Variants in SDK1 observed in about 807,000 individuals in gnomAD.
SDK1 encodes the protein sidekick cell adhesion molecule 1.
In SDK1, 157 loss-of-function variants were observed where a neutral mutation model predicts 245.5. That is an observed-to-expected ratio of 0.64 (90% CI 0.56 to 0.73). The LOEUF is 0.73. SDK1 is among the 30% of genes least tolerant of loss of function. The probability of loss-of-function intolerance (pLI) is 0.00; values close to 1 mark genes in which losing one functional copy is unlikely to be tolerated. For synonymous variants in SDK1, 1,647 were observed against 1,278.5 expected, an observed-to-expected ratio of 1.29 and a Z score of -6.15; for missense variants, 3,583 against 3,002.3, an observed-to-expected ratio of 1.19 and a Z score of -4.52.
intron 1 of SDK1, among the ~76,000 whole-genome samples, chr7:3,603,655 A>C (rs916343807): frequency 1.6e-4 from 25 of 152,148 alleles, no homozygotes; most frequent in African/African-American, 4.8e-4. Context: ...TCCTTTTTTC[A>C]TAATTGAATA....
At chr7:4,178,310 G>A (rs1266787278) in intron 34 of SDK1, among the ~76,000 whole-genome samples, 175 bp from the exon 35 acceptor site, 1 of 152,154 alleles carries the variant, frequency 6.6e-6, no homozygotes, top group East Asian at 1.9e-4. Context: ...TAGTTAATAG[G>A]AGAGAAGGAG....
intron 1 of SDK1, among the ~76,000 whole-genome samples, chr7:3,403,171 T>G (rs1375502927): frequency 1.3e-5 from 2 of 152,154 alleles, no homozygotes; most frequent in East Asian, 3.9e-4. Context: ...TGACCTCAGG[T>G]GATCTGCCCG....
At chr7:3,828,815 C>T (rs1248259486) in intron 5 of SDK1, among the ~76,000 whole-genome samples, 2 of 151,836 alleles carry the variant, frequency 1.3e-5, no homozygotes, top group Admixed American at 1.3e-4. Flanking sequence ...CCATACCTGG[C>T]TAATTTTTTA....
At chr7:4,032,440 C>T (rs771559109) in intron 17 of SDK1, among the ~76,000 whole-genome samples, 11 of 152,280 alleles carry the variant, frequency 7.2e-5, no homozygotes, top group East Asian at 1.9e-4. Flanking sequence ...AAGGCAGAAG[C>T]GTAAGGTAGT....
intron 4 of SDK1, among the ~76,000 whole-genome samples, chr7:3,751,194 A>G (rs77710209): frequency 0.013 from 1,963 of 152,270 alleles, 42 homozygotes; most frequent in African/African-American, 0.046. Context: ...CCCTTACTAA[A>G]ATAAAACTGA....
intron 4 of SDK1, among the ~76,000 whole-genome samples, chr7:3,758,952 A>G (rs933499589): frequency 6.6e-6 from 1 of 152,174 alleles, no homozygotes; most frequent in Non-Finnish European, 1.5e-5. Flanking sequence ...ATCCAGTACC[A>G]TGGGGTTCAT....
At chr7:4,163,631 CAGG>C (rs1781309885) in intron 32 of SDK1, among the ~76,000 whole-genome samples, 1 of 152,180 alleles carries the variant, frequency 6.6e-6, no homozygotes. Flanking sequence ...CAGGCTAGGA[CAGG>C]AGGTGCCAGA....
At chr7:3,697,403 A>G (rs1784606551) in intron 4 of SDK1, among the ~76,000 whole-genome samples, 1 of 152,162 alleles carries the variant, frequency 6.6e-6, no homozygotes, top group South Asian at 2.1e-4. Context: ...TCTTCAACTA[A>G]TGGAATTGAG....
chr7:4,037,046 CCAAAAGTAATAA>C (rs1206558271), intron 17 of SDK1, among the ~76,000 whole-genome samples: 6 of 152,094 alleles, frequency 3.9e-5, no homozygotes, highest in African/African-American at 1.4e-4. Flanking sequence ...GACCCCTTCA[CCAAAAGTAATAA>C]CAATGATGAT....
intron 23 of SDK1, among the ~76,000 whole-genome samples, chr7:4,112,972 T>C (rs148464073): frequency 4.2e-4 from 64 of 152,252 alleles, no homozygotes; most frequent in African/African-American, 1.5e-3. Context: ...CAGGCTGATC[T>C]GGAACTCTTC....
At position 3,488,174 on chromosome 7, in the gene SDK1, C is replaced by G. The variant is rs149733822; in HGVS notation, c.299-130906C>G. On this transcript the variant is annotated intron_variant, in intron 1 of 44. Transcript: ENST00000404826. Reference sequence around the variant, plus strand: ...TTTTCCGATGCCTTTAATTGAATGACTAATTTGTTTTCTGCCTCCCGTTCC... The same window carrying G: ...TTTTCCGATGCCTTTAATTGAATGAGTAATTTGTTTTCTGCCTCCCGTTCC... 9.3e-4 allele frequency among the ~76,000 whole-genome samples: 142 copies of G among 152,190 alleles called. 4 individuals are homozygous for G. In the East Asian group the frequency reaches 0.024, roughly 26 times the overall value.
chr7:3,318,681 T>C (rs35154693), intron 1 of SDK1, among the ~76,000 whole-genome samples: 35,704 of 152,164 alleles, frequency 0.23, 4,644 homozygotes, highest in East Asian at 0.39. Context: ...AAATGTTACA[T>C]ATTTCTTTTA....
chr7:3,336,303 G>T (rs1368721998), intron 1 of SDK1, among the ~76,000 whole-genome samples: 1 of 152,170 alleles, frequency 6.6e-6, no homozygotes, highest in Non-Finnish European at 1.5e-5. Flanking sequence ...AGAAGCAGGT[G>T]GTACTTCAAT....
chr7:4,064,356 C>G (rs1041300964), intron 19 of SDK1, among the ~76,000 whole-genome samples: 3 of 152,106 alleles, frequency 2.0e-5, no homozygotes, highest in African/African-American at 7.2e-5. Context: ...AAATGCTAAT[C>G]AAAACCTCAA....
intron 23 of SDK1, among the ~76,000 whole-genome samples, chr7:4,110,999 C>T (rs1385378297): frequency 6.6e-6 from 1 of 152,114 alleles, no homozygotes; most frequent in Non-Finnish European, 1.5e-5. Context: ...TCTATCAGTA[C>T]CAGCTGGCAA....
At chr7:3,339,474 T>C (rs1780288443) in intron 1 of SDK1, among the ~76,000 whole-genome samples, 1 of 152,008 alleles carries the variant, frequency 6.6e-6, no homozygotes, top group South Asian at 2.1e-4. Flanking sequence ...CCCGAAACAA[T>C]AGAATACCCT....
chr7:3,702,069 T>A (rs1388744033), intron 4 of SDK1, among the ~76,000 whole-genome samples: 2 of 152,182 alleles, frequency 1.3e-5, no homozygotes, highest in Non-Finnish European at 2.9e-5. Context: ...CCTCTGGGGT[T>A]TAGAACTTAG....
At chr7:3,638,035 G>A (rs76221798) in intron 2 of SDK1, among the ~76,000 whole-genome samples, 1 of 152,198 alleles carries the variant, frequency 6.6e-6, no homozygotes, top group Admixed American at 6.5e-5. Context: ...AATTATAAAC[G>A]ATTTTTGATT....
intron 1 of SDK1, among the ~76,000 whole-genome samples, chr7:3,391,416 T>A (rs1477786855): frequency 6.6e-6 from 1 of 152,128 alleles, no homozygotes; most frequent in African/African-American, 2.4e-5. Context: ...TGCCTCATCT[T>A]AAGGAATAGA....
Sources: gnomAD v4.1 joint callset for allele counts (sites outside exome capture counted in the v4.1 genomes callset) on GRCh38, gnomAD v4.1.1 for gene constraint, MANE v1.5 for transcripts, NCBI Gene and HGNC (gene_info 2026-07-23, HGNC 2026-07-21) for gene names.